UNC5D: variants seen among roughly 807,000 people sequenced by gnomAD.
UNC5D encodes unc-5 netrin receptor D, also known as netrin receptor UNC5D.
UNC5D carries 39 observed loss-of-function variants against 105.4 expected under a neutral mutation model. The ratio of observed to expected loss-of-function variants is 0.37; its 90% CI spans 0.29 to 0.48. The LOEUF (loss-of-function observed/expected upper bound fraction) is 0.48, where lower values mean the gene tolerates loss of function less well. Among genes scored for constraint, UNC5D ranks in the 20% least tolerant of loss-of-function variants. The probability of loss-of-function intolerance (pLI) is 0.98; values close to 1 mark genes in which losing one functional copy is unlikely to be tolerated. For missense variants in UNC5D, 991 were observed against 1,202.4 expected (o/e 0.82, Z 2.60); for synonymous variants, 452 against 450.4 (o/e 1.00, Z -0.04).
chr8:35,540,361 T>C (rs1171924218), intron 1 of UNC5D, among the ~76,000 whole-genome samples: 4 of 152,058 alleles, frequency 2.6e-5, no homozygotes, highest in Non-Finnish European at 4.4e-5. Context: ...TGGATTTTAA[T>C]ACAATAAAGT....
At chr8:35,435,464 GA>G (rs1269647427) in intron 1 of UNC5D, among the ~76,000 whole-genome samples, 1 of 152,044 alleles carries the variant, frequency 6.6e-6, no homozygotes, top group African/African-American at 2.4e-5. Flanking sequence ...CAGTTTCTAA[GA>G]ACTAGTAATT....
At chr8:35,646,097 T>C (rs1586327535) in intron 4 of UNC5D, among the ~76,000 whole-genome samples, 1 of 152,162 alleles carries the variant, frequency 6.6e-6, no homozygotes. Flanking sequence ...AATGTTTTTA[T>C]ATAATGTAGC....
chr8:35,602,052 T>A (rs1283955842), intron 4 of UNC5D, among the ~76,000 whole-genome samples: 1 of 152,220 alleles, frequency 6.6e-6, no homozygotes, highest in Non-Finnish European at 1.5e-5. Flanking sequence ...TCTATTGAGA[T>A]CATCATGTGG....
At chr8:35,648,989 T>C (rs1823242371) in intron 4 of UNC5D, among the ~76,000 whole-genome samples, 1 of 152,116 alleles carries the variant, frequency 6.6e-6, no homozygotes, top group South Asian at 2.1e-4. Context: ...GGCAATACAA[T>C]GTCAAGAACA....
intron 4 of UNC5D, among the ~76,000 whole-genome samples, chr8:35,665,827 T>A (rs1342493479): frequency 6.6e-6 from 1 of 152,142 alleles, no homozygotes; most frequent in African/African-American, 2.4e-5. Context: ...TCTAGCATAT[T>A]ACTGCTTTTA....
chr8:35,313,510 T>C lies in UNC5D; in HGVS notation c.103+77623T>C, dbSNP rs182666333. On this transcript the variant is annotated intron_variant, in intron 1 of 16. Coordinates refer to ENST00000404895, the MANE Select transcript of UNC5D (RefSeq NM_080872.4). Reference sequence around the variant, plus strand: ...TTGCAAAAAGAACAACCAACAACCTTTCAAGCCAGAGATAGGCAGACTCTT... The same window carrying C: ...TTGCAAAAAGAACAACCAACAACCTCTCAAGCCAGAGATAGGCAGACTCTT... Among the ~76,000 whole-genome samples, 524 of 152,290 alleles carry C rather than the reference T, an allele frequency of 3.4e-3. 4 individuals carry two copies. Among genetic ancestry groups the C allele is most frequent in the African/African-American group, 0.012 (501 of 41,564 alleles).
chr8:35,697,529 G>A (rs1826874127), intron 7 of UNC5D, among the ~76,000 whole-genome samples: 1 of 151,932 alleles, frequency 6.6e-6, no homozygotes, highest in South Asian at 2.1e-4. Flanking sequence ...ATCAAATCCA[G>A]CCTCTTTAGC....
At chr8:35,589,891 CACATT>C (rs1324023403) in intron 3 of UNC5D, among the ~76,000 whole-genome samples, 3 of 152,092 alleles carry the variant, frequency 2.0e-5, no homozygotes, top group African/African-American at 7.2e-5. Context: ...TTTGAAGTAA[CACATT>C]ACAGCTCGCT....
intron 3 of UNC5D, among the ~76,000 whole-genome samples, chr8:35,572,034 C>T (rs1817760408): frequency 6.6e-6 from 1 of 152,230 alleles, no homozygotes; most frequent in Admixed American, 6.5e-5. Context: ...CGCCTGTAAT[C>T]CCAACACTTT....
intron 11 of UNC5D, among the ~76,000 whole-genome samples, chr8:35,735,160 A>C (rs16884349): frequency 0.097 from 14,783 of 152,152 alleles, 2,084 homozygotes; most frequent in African/African-American, 0.31. Context: ...CTTTTCACTG[A>C]CATTACAATA....
At chr8:35,658,715 G>A (rs1352734386) in intron 4 of UNC5D, among the ~76,000 whole-genome samples, 4 of 142,096 alleles carry the variant, frequency 2.8e-5, no homozygotes, top group African/African-American at 7.8e-5. Context: ...GCAGTGGCGC[G>A]ACCTCGGCTC....
chr8:35,475,205 A>C (rs1358398516), intron 1 of UNC5D, among the ~76,000 whole-genome samples: 1 of 152,130 alleles, frequency 6.6e-6, no homozygotes, highest in Admixed American at 6.5e-5. Flanking sequence ...ACTTGGTACT[A>C]TCAGTATCAG....
chr8:35,442,507 A>G (rs1807473316), intron 1 of UNC5D, among the ~76,000 whole-genome samples: 1 of 151,958 alleles, frequency 6.6e-6, no homozygotes, highest in Non-Finnish European at 1.5e-5. Context: ...ATTGGTAACC[A>G]GAATCTTCCG....
intron 4 of UNC5D, among the ~76,000 whole-genome samples, chr8:35,638,389 C>T (rs945720877): frequency 1.3e-5 from 2 of 152,032 alleles, no homozygotes; most frequent in Admixed American, 6.6e-5. Context: ...ATGCACTTTT[C>T]CTAAATGAAA....
intron 1 of UNC5D, among the ~76,000 whole-genome samples, chr8:35,521,270 G>A (rs563695534): frequency 6.6e-6 from 1 of 152,190 alleles, no homozygotes; most frequent in East Asian, 1.9e-4. Context: ...CAAAGAAGAA[G>A]ACGAGTGGGC....
intron 1 of UNC5D, among the ~76,000 whole-genome samples, chr8:35,492,744 C>T (rs548297385): frequency 9.2e-5 from 14 of 151,948 alleles, no homozygotes; most frequent in Admixed American, 4.6e-4. Context: ...AAATGATTTT[C>T]GGGAGAAATA....
chr8:35,457,947 G>T (rs1808607021), intron 1 of UNC5D, among the ~76,000 whole-genome samples: 1 of 152,110 alleles, frequency 6.6e-6, no homozygotes, highest in African/African-American at 2.4e-5. Flanking sequence ...TGAAAGGCTG[G>T]CAAACAATTT....
At chr8:35,284,051 T>A (rs1348801507) in intron 1 of UNC5D, among the ~76,000 whole-genome samples, 1 of 152,186 alleles carries the variant, frequency 6.6e-6, no homozygotes, top group Non-Finnish European at 1.5e-5. Flanking sequence ...GCAGGAAGAT[T>A]TAGTGAGAAT....
chr8:35,709,001 C>T (rs780039390), intron 8 of UNC5D, among the ~76,000 whole-genome samples: 3 of 152,046 alleles, frequency 2.0e-5, no homozygotes, highest in Non-Finnish European at 4.4e-5. Context: ...CCTCCTAGAG[C>T]CCTCTTATTT....
Sources: gnomAD v4.1 joint callset for allele counts (sites outside exome capture counted in the v4.1 genomes callset) on GRCh38, gnomAD v4.1.1 for gene constraint, MANE v1.5 for transcripts, NCBI Gene and HGNC (gene_info 2026-07-23, HGNC 2026-07-21) for gene names.